The following ZNF385D variants were observed in gnomAD, a reference collection of about 807,000 sequenced individuals.
ZNF385D encodes zinc finger protein 385D, also known as zinc finger protein 659.
A neutral mutation model predicts 35.8 loss-of-function variants in ZNF385D; 15 were observed. The observed-to-expected ratio is 0.42, with a 90% CI of 0.28 to 0.64. The LOEUF is 0.64. Among genes scored for constraint, ZNF385D ranks in the 30% least tolerant of loss-of-function variants. The pLI is 0.23. For missense variants in ZNF385D, 474 were observed against 494.6 expected (o/e 0.96, Z 0.39); for synonymous variants, 212 against 186.8 (o/e 1.13, Z -1.10).
intron 2 of ZNF385D, among the ~76,000 whole-genome samples, chr3:21,614,715 G>A (rs889656754): frequency 1.7e-4 from 26 of 152,108 alleles, no homozygotes; most frequent in Admixed American, 5.9e-4. Flanking sequence ...CAGCCTCCCA[G>A]GTAGCTGGGA....
intron 3 of ZNF385D, among the ~76,000 whole-genome samples, chr3:22,083,288 G>C (rs1222616148): frequency 3.4e-5 from 5 of 148,236 alleles, no homozygotes; most frequent in African/African-American, 1.3e-4. Flanking sequence ...ACTTCTCCGA[G>C]CTAAAGGAGG....
chr3:21,469,957 G>A (rs949295842), intron 4 of ZNF385D, among the ~76,000 whole-genome samples: 4 of 152,062 alleles, frequency 2.6e-5, no homozygotes, highest in African/African-American at 9.7e-5. Flanking sequence ...TGGGTAAAAG[G>A]ACTAAGGATA....
chr3:22,318,016 C>T (rs1009019838), intron 2 of ZNF385D, among the ~76,000 whole-genome samples: 1 of 151,626 alleles, frequency 6.6e-6, no homozygotes, highest in African/African-American at 2.4e-5. Context: ...CATTACCACG[C>T]TACTGCATTC....
chr3:21,795,484 T>C (rs2072108585), intron 3 of ZNF385D, among the ~76,000 whole-genome samples: 1 of 152,170 alleles, frequency 6.6e-6, no homozygotes, highest in Non-Finnish European at 1.5e-5. Context: ...CTAAAAATAA[T>C]TGACAGTGAG....
intron 3 of ZNF385D, among the ~76,000 whole-genome samples, chr3:21,768,797 G>A (rs1306219290): frequency 1.3e-5 from 2 of 151,916 alleles, no homozygotes; most frequent in South Asian, 2.1e-4. Context: ...AGTTTCAGCT[G>A]GGGACGAACG....
intron 3 of ZNF385D, among the ~76,000 whole-genome samples, chr3:21,554,882 G>A (rs1418595454): frequency 6.6e-6 from 1 of 152,132 alleles, no homozygotes; most frequent in Non-Finnish European, 1.5e-5. Flanking sequence ...AAGAGAGTTA[G>A]GGCCTTCCTC....
chr3:21,680,944 C>T (rs1023648501), intron 1 of ZNF385D, among the ~76,000 whole-genome samples: 1 of 152,164 alleles, frequency 6.6e-6, no homozygotes, highest in Admixed American at 6.6e-5. Flanking sequence ...CAATGTTACA[C>T]ACACAGCCTT....
chr3:21,475,626 T>C (rs1028705501), intron 4 of ZNF385D, among the ~76,000 whole-genome samples: 7 of 152,066 alleles, frequency 4.6e-5, no homozygotes, highest in African/African-American at 1.7e-4. Context: ...TTTCAAGACA[T>C]CTTAATTTTT....
At chr3:22,144,428 A>G (rs1255922911) in intron 3 of ZNF385D, among the ~76,000 whole-genome samples, 1 of 151,914 alleles carries the variant, frequency 6.6e-6, no homozygotes, top group Non-Finnish European at 1.5e-5. Flanking sequence ...ACAAAAAATA[A>G]ATTACCCAGG....
chr3:21,668,254 G>C (rs1405608074), intron 1 of ZNF385D, among the ~76,000 whole-genome samples: 1 of 152,158 alleles, frequency 6.6e-6, no homozygotes, highest in Non-Finnish European at 1.5e-5. Flanking sequence ...TGGAGGAGTT[G>C]ATAGCCCCAA....
At chr3:21,798,413 G>A (rs1241958290) in intron 3 of ZNF385D, among the ~76,000 whole-genome samples, 2 of 152,098 alleles carry the variant, frequency 1.3e-5, no homozygotes, top group African/African-American at 4.8e-5. Flanking sequence ...ATCTCTAGAC[G>A]CGGGACCACA....
At chr3:22,277,640 T>C (rs1378193540) in intron 2 of ZNF385D, among the ~76,000 whole-genome samples, 1 of 152,126 alleles carries the variant, frequency 6.6e-6, no homozygotes, top group African/African-American at 2.4e-5. Flanking sequence ...AAACTCATAA[T>C]ATTATGGAAA....
intron 3 of ZNF385D, among the ~76,000 whole-genome samples, chr3:21,522,984 G>A (rs1708011248): frequency 3.9e-5 from 6 of 152,090 alleles, no homozygotes; most frequent in Admixed American, 3.9e-4. Flanking sequence ...AATTTTTCCT[G>A]GGGTGATTCT....
chr3:21,956,258 C>A (rs1274761591), intron 3 of ZNF385D, among the ~76,000 whole-genome samples: 5 of 151,724 alleles, frequency 3.3e-5, no homozygotes, highest in Admixed American at 6.6e-5. Context: ...AGAAAAAGAA[C>A]CTGAGTTTAT....
At chr3:21,820,527 G>T (rs1242479438) in intron 3 of ZNF385D, among the ~76,000 whole-genome samples, 3 of 151,590 alleles carry the variant, frequency 2.0e-5, no homozygotes. Context: ...CTATGATTTA[G>T]ATAATTATAT....
chr3:22,225,369 C>G (rs1318597559), intron 2 of ZNF385D, among the ~76,000 whole-genome samples: 2 of 152,130 alleles, frequency 1.3e-5, no homozygotes, highest in Non-Finnish European at 2.9e-5. Flanking sequence ...CCCGCGTCCA[C>G]CCTGCACCCA....
At chr3:22,148,856 A>C (rs1415170889) in intron 3 of ZNF385D, among the ~76,000 whole-genome samples, 1 of 152,186 alleles carries the variant, frequency 6.6e-6, no homozygotes, top group Non-Finnish European at 1.5e-5. Context: ...TTGCTTCCTA[A>C]AGAAAGATAG....
intron 2 of ZNF385D, among the ~76,000 whole-genome samples, chr3:22,279,152 T>C (rs1454278020): frequency 6.6e-6 from 1 of 152,048 alleles, no homozygotes; most frequent in African/African-American, 2.4e-5. Context: ...AGGTGATGTT[T>C]GGTTACATGA....
At chr3:21,624,821 G>A (rs1411129513) in intron 2 of ZNF385D, among the ~76,000 whole-genome samples, 3 of 151,964 alleles carry the variant, frequency 2.0e-5, no homozygotes, top group East Asian at 3.9e-4. Context: ...GCTGCCAAAT[G>A]TTTTCCTGTT....
Sources: gnomAD v4.1 joint callset for allele counts (sites outside exome capture counted in the v4.1 genomes callset) on GRCh38, gnomAD v4.1.1 for gene constraint, MANE v1.5 for transcripts, NCBI Gene and HGNC (gene_info 2026-07-23, HGNC 2026-07-21) for gene names.